Variants in RRM1 observed in about 807,000 individuals in gnomAD.
The protein encoded by RRM1 is ribonucleotide reductase catalytic subunit M1.
RRM1 carries 19 observed loss-of-function variants against 101.5 expected under a neutral mutation model. That is an observed-to-expected ratio of 0.19 (90% CI 0.13 to 0.27). The LOEUF (loss-of-function observed/expected upper bound fraction) is 0.27. RRM1 is among the 10% of genes least tolerant of loss of function. RRM1 has a pLI of 1.00. For synonymous variants in RRM1, 298 were observed against 323.4 expected (o/e 0.92, Z 0.84); for missense variants, 500 against 962.9 (o/e 0.52, Z 6.36).
intron 2 of RRM1, among the ~76,000 whole-genome samples, chr11:4,105,025 G>A (rs1487104030): frequency 6.6e-6 from 1 of 152,058 alleles, no homozygotes; most frequent in Non-Finnish European, 1.5e-5. Context: ...ATGAAAAATA[G>A]GGAAATATAG....
At chr11:4,105,066 G>C (rs1049522499) in intron 2 of RRM1, among the ~76,000 whole-genome samples, 1 of 152,130 alleles carries the variant, frequency 6.6e-6, no homozygotes, top group Non-Finnish European at 1.5e-5. Context: ...CTATTTCCCT[G>C]TGAGACTAAT....
At chr11:4,133,775 G>A (rs2133324217) in intron 17 of RRM1, 117 bp downstream of exon 17, 1 of 597,372 alleles carries the variant, frequency 1.7e-6, no homozygotes, top group South Asian at 2.2e-5. Context: ...GGTTTTGCTT[G>A]TGTAGCTCTG....
chr11:4,098,810 A>T (rs1269961279), intron 1 of RRM1, among the ~76,000 whole-genome samples: 1 of 152,232 alleles, frequency 6.6e-6, no homozygotes, highest in Non-Finnish European at 1.5e-5. Flanking sequence ...TAAACATAAT[A>T]ATCAGTTAAT....
rs2133297558 is a variant in RRM1, at chr11:4,112,155, C to T, written c.650+93C>T. 3.5e-6 allele frequency: 3 copies of T among 851,752 alleles called. No individual in the cohort carries two copies. The East Asian group carries it at 7.4e-5, about 21-fold the overall frequency. The allele number at this position is 851,752 out of a possible 1,614,324, so 52.8% of individuals were successfully genotyped here. On this transcript the variant is annotated intron_variant, in intron 7 of 18. Coordinates refer to ENST00000300738, the MANE Select transcript of RRM1 (RefSeq NM_001033.5). ...AAATAATTTAATGACCTTTTAGTAG[C>T]TGCCTGCTCTGATTAAATGAGATTT...
intron 18 of RRM1, among the ~76,000 whole-genome samples, chr11:4,135,539 C>G (rs1291405930): frequency 6.6e-6 from 1 of 152,058 alleles, no homozygotes; most frequent in East Asian, 1.9e-4. Context: ...GTACAATTAC[C>G]AAGTTGTGTT....
intron 9 of RRM1, among the ~76,000 whole-genome samples, chr11:4,120,785 C>G (rs910030512): frequency 6.6e-6 from 1 of 152,118 alleles, no homozygotes; most frequent in Non-Finnish European, 1.5e-5. Flanking sequence ...GTGGGCTGAT[C>G]GTGTAAGCTC....
At chr11:4,131,790 T>A (rs1407790424) in intron 15 of RRM1, among the ~76,000 whole-genome samples, 4 of 152,192 alleles carry the variant, frequency 2.6e-5, no homozygotes, top group Non-Finnish European at 4.4e-5. Context: ...TAATGGAGAA[T>A]TGTGGTGATA....
chr11:4,109,031 C>T (rs1445346939), intron 4 of RRM1, among the ~76,000 whole-genome samples: 1 of 152,074 alleles, frequency 6.6e-6, no homozygotes, highest in East Asian at 1.9e-4. Context: ...TTGTAGCCTA[C>T]AAAAACTCTG....
At chr11:4,127,314 G>C in intron 14 of RRM1, 58 bp downstream of exon 14, 2 of 1,098,574 alleles carry the variant, frequency 1.8e-6, no homozygotes, top group Non-Finnish European at 2.6e-6. Context: ...GCTGAATGGT[G>C]ACCCCACAAA....
At chr11:4,117,865 G>A (rs2094575864) in intron 7 of RRM1, among the ~76,000 whole-genome samples, 1 of 152,194 alleles carries the variant, frequency 6.6e-6, no homozygotes, top group African/African-American at 2.4e-5. Flanking sequence ...TCTTTAAAAA[G>A]ACTGTAAAGG....
At position 4,132,850 on chromosome 11, in the gene RRM1, C is replaced by T. The variant is rs2094602698; in HGVS notation, c.1905+429C>T. On this transcript the variant is annotated intron_variant, in intron 16 of 18. Transcript: ENST00000300738. This position sits in a 1 kb window ranked among gnomAD's most constrained non-coding sequence, Gnocchi z 4.1. ...GTTTTTTCTTTGTTTTTAAGGTTCC[C>T]AGGTAATTCTTATGTGTAGCTAGGG... 1.3e-5 allele frequency among the ~76,000 whole-genome samples: 2 copies of T among 152,060 alleles called. No individual in the cohort carries two copies. The highest frequency in any genetic ancestry group is 6.6e-5 in the Admixed American group (1 of 15,260).
intron 9 of RRM1, 86 bp from the exon 10 acceptor site, chr11:4,121,518 G>A: frequency 1.2e-6 from 1 of 859,170 alleles, no homozygotes; most frequent in Non-Finnish European, 1.7e-6. Context: ...AAAATCAAAG[G>A]AGATACTATA....
intron 7 of RRM1, 57 bp downstream of exon 7, chr11:4,112,119 C>G: frequency 7.4e-7 from 1 of 1,348,760 alleles, no homozygotes; most frequent in South Asian, 1.4e-5. Context: ...GCAGTTAGTT[C>G]ATCACATAAA....
chr11:4,124,955 A>C (rs1209174743), intron 12 of RRM1, among the ~76,000 whole-genome samples: 2 of 147,852 alleles, frequency 1.4e-5, no homozygotes, highest in Non-Finnish European at 1.5e-5. Flanking sequence ...TTGCTCTGTC[A>C]CCAGGCTGGA....
chr11:4,130,454 GAGAGGC>G (rs2094598163), intron 15 of RRM1, among the ~76,000 whole-genome samples: 1 of 152,084 alleles, frequency 6.6e-6, no homozygotes, highest in East Asian at 1.9e-4. Context: ...CCAGCACTTT[GAGAGGC>G]TGAGGTGGGT....
intron 4 of RRM1, among the ~76,000 whole-genome samples, chr11:4,108,068 A>G (rs1463874563): frequency 6.6e-6 from 1 of 152,202 alleles, no homozygotes; most frequent in Non-Finnish European, 1.5e-5. Flanking sequence ...CAATGTGTAT[A>G]TGAATTCAAA....
At chr11:4,129,449 G>A (rs928637774) in intron 15 of RRM1, among the ~76,000 whole-genome samples, 1 of 151,484 alleles carries the variant, frequency 6.6e-6, no homozygotes, top group Admixed American at 6.6e-5. Context: ...TTCTCATTAA[G>A]GCTTTTTTCC....
chr11:4,119,688 G>T, intron 8 of RRM1, 157 bp from the exon 9 acceptor site: 2 of 611,042 alleles, frequency 3.3e-6, no homozygotes, highest in Middle Eastern at 4.4e-4. Context: ...ATTTTATTTG[G>T]GCATTTTTCC....
chr11:4,101,446 G>C (rs2094550752), intron 1 of RRM1, among the ~76,000 whole-genome samples: 1 of 151,566 alleles, frequency 6.6e-6, no homozygotes, highest in Non-Finnish European at 1.5e-5. Flanking sequence ...CCGAATAGCT[G>C]GGATTATAGG....
Sources: allele counts gnomAD v4.1 joint callset (sites outside exome capture counted in the v4.1 genomes callset), GRCh38; gene constraint gnomAD v4.1.1; non-coding constraint Gnocchi (gnomAD v3.1); transcripts MANE v1.5; gene names NCBI Gene and HGNC (gene_info 2026-07-23, HGNC 2026-07-21).